The following KLF12 variants were observed in gnomAD, a reference collection of about 807,000 sequenced individuals.
The protein encoded by KLF12 is KLF transcription factor 12, also known as Krueppel-like factor 12.
Under a neutral mutation model 37.8 loss-of-function variants are expected in KLF12, and 9 were observed. The observed-to-expected ratio is 0.24, with a 90% confidence interval of 0.14 to 0.42. KLF12 has a LOEUF of 0.42. Ranked by LOEUF, KLF12 falls within the 10% of genes least tolerant of loss-of-function variation. The probability of loss-of-function intolerance (pLI) is 1.00; values close to 1 mark genes in which losing one functional copy is unlikely to be tolerated. For missense variants in KLF12, 411 were observed against 516.0 expected, an observed-to-expected ratio of 0.80 and a Z score of 1.97; for synonymous variants, 208 against 202.1, an observed-to-expected ratio of 1.03 and a Z score of -0.25.
intron 3 of KLF12, among the ~76,000 whole-genome samples, chr13:73,939,264 C>T (rs1890085443): frequency 6.6e-6 from 1 of 152,116 alleles, no homozygotes; most frequent in African/African-American, 2.4e-5. Context: ...TCCTCTGCAC[C>T]TATGTAGTTT....
chr13:73,745,794 T>C (rs1026243309), intron 6 of KLF12, among the ~76,000 whole-genome samples: 1 of 152,204 alleles, frequency 6.6e-6, no homozygotes, highest in African/African-American at 2.4e-5. Flanking sequence ...TTAATGATAT[T>C]TTCAAGATAC....
chr13:74,099,967 C>T (rs1039025234), intron 1 of KLF12, among the ~76,000 whole-genome samples: 5 of 152,146 alleles, frequency 3.3e-5, no homozygotes, highest in Non-Finnish European at 5.9e-5. Context: ...CACCCAGAGC[C>T]ATGGAGTGCT....
chr13:74,249,868 C>G, the KLF12 span, among the ~76,000 whole-genome samples: 1 of 152,074 alleles, frequency 6.6e-6, no homozygotes, highest in Non-Finnish European at 1.5e-5. Flanking sequence ...TCTGGAAGTT[C>G]CTGAGGCTGG....
At chr13:74,165,649 T>A in the KLF12 span, among the ~76,000 whole-genome samples, 1 of 152,160 alleles carries the variant, frequency 6.6e-6, no homozygotes, top group African/African-American at 2.4e-5. Flanking sequence ...AACTGCCACA[T>A]CACCAGGTTT....
chr13:74,181,407 G>A, the KLF12 span, among the ~76,000 whole-genome samples: 1 of 151,178 alleles, frequency 6.6e-6, no homozygotes, highest in African/African-American at 2.4e-5. Flanking sequence ...ATGAGGCTGG[G>A]TGTGGTGGCT....
the KLF12 span, among the ~76,000 whole-genome samples, chr13:74,151,458 C>T: frequency 6.6e-6 from 1 of 152,046 alleles, no homozygotes; most frequent in African/African-American, 2.4e-5. Context: ...TGAGACCAGC[C>T]TGGGCAACAA....
chr13:73,959,286 G>A (rs948925889), intron 2 of KLF12, among the ~76,000 whole-genome samples: 4 of 151,890 alleles, frequency 2.6e-5, no homozygotes, highest in Admixed American at 6.6e-5. Context: ...AGTCACAGCC[G>A]GCCTTTTCTC....
At chr13:74,137,317 G>C (rs557122959), upstream of KLF12, among the ~76,000 whole-genome samples, 1 of 152,178 alleles carries the variant, frequency 6.6e-6, no homozygotes, top group Non-Finnish European at 1.5e-5. Context: ...GAATTTGGGG[G>C]TTGAAAGTAT....
chr13:74,292,640 C>T, the KLF12 span, among the ~76,000 whole-genome samples: 21 of 152,208 alleles, frequency 1.4e-4, no homozygotes, highest in Non-Finnish European at 2.5e-4. Flanking sequence ...GAGGACTTTA[C>T]TTTGCAGCTC....
chr13:74,243,516 T>G, the KLF12 span, among the ~76,000 whole-genome samples: 1 of 152,202 alleles, frequency 6.6e-6, no homozygotes, highest in Non-Finnish European at 1.5e-5. Context: ...TCTAGATCCT[T>G]GAGGAATTGT....
chr13:74,003,970 G>A (rs1009589882), intron 1 of KLF12, among the ~76,000 whole-genome samples: 19 of 152,098 alleles, frequency 1.2e-4, no homozygotes, highest in African/African-American at 4.1e-4. Flanking sequence ...AAACTAATAC[G>A]TTCACAAGTG....
intron 4 of KLF12, among the ~76,000 whole-genome samples, chr13:73,835,750 G>C (rs1341882392): frequency 6.6e-6 from 1 of 152,132 alleles, no homozygotes; most frequent in Admixed American, 6.6e-5. Context: ...ATGTAAACAA[G>C]TTAATGAACA....
chr13:73,825,477 T>C (rs1356843032), intron 4 of KLF12, among the ~76,000 whole-genome samples: 1 of 152,246 alleles, frequency 6.6e-6, no homozygotes, highest in African/African-American at 2.4e-5. Context: ...ACTAGTCTTC[T>C]CTGCTTTCCC....
At chr13:74,219,672 T>G in the KLF12 span, among the ~76,000 whole-genome samples, 1 of 152,238 alleles carries the variant, frequency 6.6e-6, no homozygotes, top group East Asian at 1.9e-4. Context: ...ACTTTCTTTC[T>G]AAAAATGTCT....
chr13:73,840,578 T>A (rs1326862672), intron 4 of KLF12, among the ~76,000 whole-genome samples: 1 of 151,988 alleles, frequency 6.6e-6, no homozygotes, highest in Non-Finnish European at 1.5e-5. Context: ...TCACTTCCTC[T>A]CCTTCCCTCA....
At chr13:73,931,754 A>G (rs1889691792) in intron 3 of KLF12, among the ~76,000 whole-genome samples, 1 of 152,036 alleles carries the variant, frequency 6.6e-6, no homozygotes, top group Non-Finnish European at 1.5e-5. Context: ...AAATATATCT[A>G]TGATCAGAAC....
At chr13:74,097,089 T>C (rs938883625) in intron 1 of KLF12, among the ~76,000 whole-genome samples, 27 of 152,176 alleles carry the variant, frequency 1.8e-4, no homozygotes, top group African/African-American at 6.3e-4. Context: ...TTGCAGTATA[T>C]GAATACAATT....
At chr13:74,245,333 CT>C in the KLF12 span, among the ~76,000 whole-genome samples, 1 of 148,830 alleles carries the variant, frequency 6.7e-6, no homozygotes, top group Non-Finnish European at 1.5e-5. Context: ...ATCTATCTAT[CT>C]ATCTATCATC....
chr13:73,969,336 A>G (rs146958941), intron 2 of KLF12, among the ~76,000 whole-genome samples: 12 of 152,324 alleles, frequency 7.9e-5, no homozygotes, highest in Non-Finnish European at 1.3e-4. Context: ...TGTTATCTAC[A>G]ATCCCCTACC....
Sources: gnomAD v4.1 joint callset for allele counts (sites outside exome capture counted in the v4.1 genomes callset) on GRCh38, gnomAD v4.1.1 for gene constraint, MANE v1.5 for transcripts, NCBI Gene and HGNC (gene_info 2026-07-23, HGNC 2026-07-21) for gene names.